The following GMDS variants were observed in gnomAD, a reference collection of about 807,000 sequenced individuals.
GMDS encodes the protein GDP-mannose 4,6 dehydratase.
In GMDS, 20 loss-of-function variants were observed where a neutral mutation model predicts 49.9. That is an observed-to-expected ratio of 0.40 (90% CI 0.28 to 0.58). The LOEUF is 0.58. Ranked by LOEUF, GMDS falls within the 20% of genes least tolerant of loss-of-function variation. The pLI, the probability that GMDS is intolerant of heterozygous loss-of-function variation, is 0.42. For synonymous variants in GMDS, 177 were observed against 178.6 expected (o/e 0.99, Z 0.07); for missense variants, 362 against 481.4 (o/e 0.75, Z 2.32).
At chr6:2,177,883 C>A (rs189223581) in intron 1 of GMDS, among the ~76,000 whole-genome samples, 1 of 152,114 alleles carries the variant, frequency 6.6e-6, no homozygotes, top group African/African-American at 2.4e-5. Context: ...ATAGAATCAA[C>A]GCAGGTGCTC....
At chr6:2,154,122 C>A (rs1014033362) in intron 1 of GMDS, among the ~76,000 whole-genome samples, 3 of 152,066 alleles carry the variant, frequency 2.0e-5, no homozygotes, top group African/African-American at 7.2e-5. Flanking sequence ...CTTCCCAACA[C>A]GCACAATTCC....
chr6:2,061,006 T>C (rs1771118486), intron 4 of GMDS, among the ~76,000 whole-genome samples: 1 of 144,626 alleles, frequency 6.9e-6, no homozygotes, highest in African/African-American at 2.6e-5. Context: ...AGAGCAAGAC[T>C]CCATCTAAAA....
At chr6:1,725,277 A>G (rs895202721) in intron 9 of GMDS, among the ~76,000 whole-genome samples, 20 of 152,242 alleles carry the variant, frequency 1.3e-4, no homozygotes, top group Non-Finnish European at 2.2e-4. Flanking sequence ...TAAAGCAATA[A>G]CAGCAAGCTA....
intron 7 of GMDS, among the ~76,000 whole-genome samples, chr6:1,771,960 G>T (rs1403300372): frequency 6.7e-6 from 1 of 148,658 alleles, no homozygotes; most frequent in Non-Finnish European, 1.5e-5. Context: ...GAAAGAAAAG[G>T]AAGAGCAGGC....
intron 7 of GMDS, among the ~76,000 whole-genome samples, chr6:1,818,136 G>A (rs1187908665): frequency 2.6e-5 from 4 of 152,084 alleles, no homozygotes; most frequent in African/African-American, 4.8e-5. Flanking sequence ...ATGGTATGAC[G>A]ACAGGTATAA....
intron 7 of GMDS, among the ~76,000 whole-genome samples, chr6:1,847,446 A>T (rs1384600292): frequency 6.6e-6 from 1 of 152,218 alleles, no homozygotes; most frequent in Non-Finnish European, 1.5e-5. Context: ...AGAAGATCCA[A>T]GTAACAGAAG....
chr6:2,211,574 GATGCTCAAATAGGTCTATTTGAA>G (rs940203274), intron 1 of GMDS, among the ~76,000 whole-genome samples: 13 of 151,866 alleles, frequency 8.6e-5, no homozygotes, highest in Middle Eastern at 3.4e-3. Flanking sequence ...AAACCAAAAG[GATGCTCAAATAGGTCTATTTGAA>G]ATGCTCAAAT....
intron 4 of GMDS, among the ~76,000 whole-genome samples, chr6:1,964,563 C>T (rs1187141480): frequency 1.3e-5 from 2 of 152,112 alleles, no homozygotes; most frequent in Admixed American, 6.5e-5. Context: ...TTACATTCAC[C>T]GTGAACCACA....
intron 8 of GMDS, among the ~76,000 whole-genome samples, chr6:1,734,730 T>C (rs1412766749): frequency 6.6e-6 from 1 of 152,228 alleles, no homozygotes; most frequent in Non-Finnish European, 1.5e-5. Flanking sequence ...AATTACTTAA[T>C]AGGGAGGCTC....
At chr6:1,993,802 C>A (rs548070363) in intron 4 of GMDS, among the ~76,000 whole-genome samples, 1 of 151,152 alleles carries the variant, frequency 6.6e-6, no homozygotes, top group East Asian at 1.9e-4. Flanking sequence ...AAAATCCAGA[C>A]AAAGACTTAT....
Position 1,726,479 on chromosome 6 carries a change from T to C in GMDS, c.924A>G (p.Arg308=). 1.2e-6 allele frequency: 2 copies of C among 1,613,406 alleles called. No individual in the cohort carries two copies. Residue 308 remains arginine, a synonymous_variant, in exon 9 of 11, where the codon AGA becomes AGG. Transcript: ENST00000380815. ...CGTGAACTTTGCCGGTCTCTTTACA[T>C]CTGCCCACTTCATTTTCATTCTTTC... The part of the protein sequence containing the change: ...WEGKNENEVG[R]CKETGKVHVT...
At chr6:1,628,322 C>T (rs575997392) in intron 9 of GMDS, among the ~76,000 whole-genome samples, 2 of 152,344 alleles carry the variant, frequency 1.3e-5, no homozygotes, top group East Asian at 3.9e-4. Context: ...AGATCTCTCC[C>T]ATCTAGATAA....
chr6:1,888,020 C>T (rs1315512959), intron 7 of GMDS, among the ~76,000 whole-genome samples: 2 of 152,070 alleles, frequency 1.3e-5, no homozygotes, highest in Non-Finnish European at 2.9e-5. Flanking sequence ...GCAATCATGG[C>T]TGTCTGCAGC....
At chr6:1,762,136 T>C (rs1768184718) in intron 7 of GMDS, among the ~76,000 whole-genome samples, 2 of 152,248 alleles carry the variant, frequency 1.3e-5, no homozygotes, top group Non-Finnish European at 2.9e-5. Context: ...CATCATCTCA[T>C]CATTAAATGC....
At chr6:1,723,498 T>C (rs1554112097) in intron 9 of GMDS, among the ~76,000 whole-genome samples, 2 of 152,000 alleles carry the variant, frequency 1.3e-5, no homozygotes, top group Non-Finnish European at 2.9e-5. Flanking sequence ...GGCTAATTTT[T>C]TGTATCTTTT....
chr6:1,704,677 G>A (rs562797430), intron 9 of GMDS, among the ~76,000 whole-genome samples: 3 of 152,300 alleles, frequency 2.0e-5, no homozygotes, highest in African/African-American at 7.2e-5. Context: ...TAATACGTAC[G>A]CGGTAAGTGC....
chr6:1,961,347 T>A (rs1303959889), intron 4 of GMDS, among the ~76,000 whole-genome samples: 1 of 152,194 alleles, frequency 6.6e-6, no homozygotes, highest in Non-Finnish European at 1.5e-5. Context: ...TTTACATTTT[T>A]AATGAGCCCC....
chr6:2,244,655 A>T (rs886908466), intron 1 of GMDS, among the ~76,000 whole-genome samples: 1 of 152,210 alleles, frequency 6.6e-6, no homozygotes, highest in Non-Finnish European at 1.5e-5. Context: ...TTCCTTTGAA[A>T]ATGGAACTAG....
At chr6:1,753,218 G>GA (rs1018431467) in intron 7 of GMDS, among the ~76,000 whole-genome samples, 100 of 150,912 alleles carry the variant, frequency 6.6e-4, no homozygotes, top group African/African-American at 2.0e-3. Flanking sequence ...AAGCAAAAAA[G>GA]AAAAAAAAGC....
Sources: gnomAD v4.1 joint callset for allele counts (sites outside exome capture counted in the v4.1 genomes callset) on GRCh38, gnomAD v4.1.1 for gene constraint, MANE v1.5 for transcripts, NCBI Gene and HGNC (gene_info 2026-07-23, HGNC 2026-07-21) for gene names.